The following GPR21 variants were observed in gnomAD, a reference collection of about 807,000 sequenced individuals.
GPR21 encodes probable G protein-coupled receptor 21.
In GPR21, 9 loss-of-function variants were observed where a neutral mutation model predicts 21.5. The observed-to-expected ratio is 0.42, with a 90% CI of 0.25 to 0.73. The LOEUF is 0.73. GPR21 is among the 30% of genes least tolerant of loss of function. The pLI, the probability that GPR21 is intolerant of heterozygous loss-of-function variation, is 0.27. For missense variants in GPR21, 416 were observed against 428.9 expected, an observed-to-expected ratio of 0.97 and a Z score of 0.27; for synonymous variants, 169 against 159.3, an observed-to-expected ratio of 1.06 and a Z score of -0.46.
At chr9:123,043,187 A>G in the GPR21 span, among the ~76,000 whole-genome samples, 1 of 152,206 alleles carries the variant, frequency 6.6e-6, no homozygotes, top group South Asian at 2.1e-4. Context: ...CTTCTCCAGA[A>G]TGAGGGAGGA....
the GPR21 span, among the ~76,000 whole-genome samples, chr9:123,048,007 C>T: frequency 2.9e-5 from 4 of 136,060 alleles, no homozygotes; most frequent in African/African-American, 5.2e-5. Context: ...GGCGCGATCT[C>T]GGCCCACTGC....
chr9:123,035,133 C>G lies in GPR21; in HGVS notation c.567C>G (p.Ser189=). ...QWCAESWHTD[S]YFTLFIVMML... Reference sequence around the variant, plus strand: ...GTGCGGAGTCCTGGCACACCGACTCCTACTTCACCCTGTTCATCGTGATGA... The same window carrying G: ...GTGCGGAGTCCTGGCACACCGACTCGTACTTCACCCTGTTCATCGTGATGA... Residue 189 remains serine, a synonymous_variant, in exon 2 of 2, where the codon TCC becomes TCG. Coordinates refer to ENST00000616002, the MANE Select transcript of GPR21 (RefSeq NM_005294.3). The G allele has an allele frequency of 6.2e-7, 1 of 1,613,954 alleles. No individual in the cohort carries two copies. Among genetic ancestry groups the G allele is most frequent in the Non-Finnish European group, 8.5e-7 (1 of 1,179,850 alleles).
At chr9:123,047,874 A>C in the GPR21 span, among the ~76,000 whole-genome samples, 169 of 142,768 alleles carry the variant, frequency 1.2e-3, 3 homozygotes, top group Admixed American at 0.012. Flanking sequence ...AATATTTGTT[A>C]ATTGTTATAA....
rs2032596548 is a variant in GPR21 at position 123,035,597 on chromosome 9, T to TTAATGGA, written c.1033_1039dup (p.Cys347Ter). 6.3e-7 allele frequency: 1 copy of TTAATGGA among 1,591,456 alleles called. No homozygotes were observed. Among genetic ancestry groups the TTAATGGA allele is most frequent in the Admixed American group, 1.7e-5 (1 of 57,590 alleles). Reference sequence around the variant, plus strand: ...TACACAGTTAGAAGCAAAGGCCCTCTTAATGGATGTCATATCTGAAGTGGC... The same window carrying TTAATGGA: ...TACACAGTTAGAAGCAAAGGCCCTCTTAATGGATAATGGATGTCATATCTGAAGTGGC... On this transcript the variant is annotated frameshift_variant, in exon 2 of 2. Coordinates refer to ENST00000616002, the MANE Select transcript of GPR21 (RefSeq NM_005294.3). LOFTEE classifies it high-confidence loss of function.
chr9:123,047,274 G>A, the GPR21 span, among the ~76,000 whole-genome samples: 6 of 152,092 alleles, frequency 3.9e-5, no homozygotes, highest in Non-Finnish European at 5.9e-5. Flanking sequence ...AAAAATAAAT[G>A]GGTATTTCTA....
At chr9:123,040,368 A>G (rs1015953803), downstream of GPR21, among the ~76,000 whole-genome samples, 1 of 152,196 alleles carries the variant, frequency 6.6e-6, no homozygotes. Flanking sequence ...TGGGAAGCCA[A>G]ACTGTATTCA....
chr9:123,035,629 A>T lies in GPR21; in HGVS notation c.*13A>T, dbSNP rs780057213. 6.8e-7 allele frequency: 1 copy of T among 1,468,818 alleles called. No individual in the cohort carries two copies. Among genetic ancestry groups the T allele is most frequent in the South Asian group, 1.2e-5 (1 of 80,294 alleles). 91.0% of individuals were successfully genotyped at this position (1,468,818 alleles called of 1,614,324 possible). On this transcript the variant is annotated 3_prime_UTR_variant, in exon 2 of 2. Transcript: ENST00000616002. ...ATGTCATATCTGAAGTGGCTCAGTT[A>T]CGGGGTTCCCGTGTGTGTGTGTGTG...
At chr9:123,045,883 A>T in the GPR21 span, among the ~76,000 whole-genome samples, 1 of 152,170 alleles carries the variant, frequency 6.6e-6, no homozygotes, top group East Asian at 1.9e-4. Context: ...AAGTATGTAA[A>T]ATTGTACTTG....
the GPR21 span, among the ~76,000 whole-genome samples, chr9:123,044,757 G>A: frequency 1.3e-5 from 2 of 152,058 alleles, no homozygotes; most frequent in Non-Finnish European, 2.9e-5. Context: ...GTGTTCAAAG[G>A]CAAGGAGGTG....
the GPR21 span, among the ~76,000 whole-genome samples, chr9:123,045,978 C>T: frequency 1.3e-5 from 2 of 152,182 alleles, no homozygotes; most frequent in African/African-American, 4.8e-5. Context: ...ACTTCCAGGT[C>T]CTGCAAATTG....
In GPR21 at chr9:123,034,419, A is replaced by C; in HGVS notation, c.-148A>C. 1.6e-6 allele frequency: 1 copy of C among 636,772 alleles called. No homozygotes were observed. The highest frequency in any genetic ancestry group is 2.8e-6 in the Non-Finnish European group (1 of 358,984). 39.4% of individuals were successfully genotyped at this position (636,772 alleles called of 1,614,324 possible). A position where few individuals can be genotyped will look rare whatever the true frequency, so the allele number is the denominator to read the frequency against. On this transcript the variant is annotated 5_prime_UTR_variant, in exon 2 of 2. Coordinates refer to ENST00000616002, the MANE Select transcript of GPR21 (RefSeq NM_005294.3). ...AATTGCACTGCAGGCAATGCACCAG[A>C]GCAGCAGCATCAGGAGCTTGGGGAG...
the GPR21 span, among the ~76,000 whole-genome samples, chr9:123,044,499 G>A: frequency 2.6e-5 from 4 of 152,182 alleles, no homozygotes; most frequent in South Asian, 2.1e-4. Flanking sequence ...GTATCACTAC[G>A]CCTCCATAGG....
rs1447677104 is a variant in GPR21 at position 123,034,455 on chromosome 9, C to G, written c.-112C>G. The G allele has an allele frequency of 1.4e-6, 1 of 697,506 alleles. No individual in the cohort carries two copies. The highest frequency in any genetic ancestry group is 1.8e-5 in the African/African-American group (1 of 56,384). 43.2% of individuals were successfully genotyped at this position (697,506 alleles called of 1,614,324 possible). A position where few individuals can be genotyped will look rare whatever the true frequency, so the allele number is the denominator to read the frequency against. On this transcript the variant is annotated 5_prime_UTR_variant, in exon 2 of 2. Transcript: ENST00000616002. ...CAGGAGCTTGGGGAGTAAGGCTCCTCTGGCATTATTACACACATGCAAAGC... is the reference window on the plus strand; with the variant it reads ...CAGGAGCTTGGGGAGTAAGGCTCCTGTGGCATTATTACACACATGCAAAGC...
chr9:123,043,444 T>C, the GPR21 span, among the ~76,000 whole-genome samples: 3 of 152,032 alleles, frequency 2.0e-5, no homozygotes, highest in East Asian at 1.9e-4. Context: ...GAATTGGTGA[T>C]AGATACATAG....
chr9:123,035,972 C>G (rs2032636318), downstream of GPR21, among the ~76,000 whole-genome samples: 1 of 152,168 alleles, frequency 6.6e-6, no homozygotes, highest in Non-Finnish European at 1.5e-5. Flanking sequence ...AAAGCGTCAG[C>G]ATTTTAAAAA....
downstream of GPR21, among the ~76,000 whole-genome samples, chr9:123,037,864 A>T (rs1165441474): frequency 6.6e-6 from 1 of 152,156 alleles, no homozygotes; most frequent in Non-Finnish European, 1.5e-5. Flanking sequence ...ATTTAATGCA[A>T]CATTTGATGA....
At position 123,035,282 on chromosome 9, in the gene GPR21, C is replaced by G; in HGVS notation, c.716C>G (p.Thr239Ser). ...CGCTTCAGCAGCCAGAGTGGGGAGA[C>G]TGGGGAAGTGCAGGCCTGTCCTGAT... is the stretch of plus-strand genomic sequence containing the variant. ...QARFSSQSGE[T>S]GEVQACPDKR... Residue 239 changes from threonine to serine, a missense_variant, in exon 2 of 2, where the codon ACT (threonine) becomes AGT (serine). By Grantham distance (58) the Thr-to-Ser change is moderately conservative (BLOSUM62 1). Transcript: ENST00000616002. The G allele has an allele frequency of 6.2e-7, 1 of 1,614,156 alleles. No homozygotes were observed. Among genetic ancestry groups the G allele is most frequent in the Admixed American group, 1.7e-5 (1 of 60,018 alleles).
chr9:123,047,878 G>A, the GPR21 span, among the ~76,000 whole-genome samples: 34 of 107,692 alleles, frequency 3.2e-4, no homozygotes, highest in Non-Finnish European at 6.5e-4. Flanking sequence ...TTTGTTAATT[G>A]TTATAAGAGC....
the GPR21 span, among the ~76,000 whole-genome samples, chr9:123,044,295 G>A: frequency 2.6e-5 from 4 of 152,160 alleles, no homozygotes; most frequent in African/African-American, 9.7e-5. Flanking sequence ...GGAGGCCCAG[G>A]TATAGAACAT....
Sources: allele counts gnomAD v4.1 joint callset (sites outside exome capture counted in the v4.1 genomes callset), GRCh38; gene constraint gnomAD v4.1.1; transcripts MANE v1.5; gene names NCBI Gene and HGNC (gene_info 2026-07-23, HGNC 2026-07-21).